The following AK9 variants were observed in gnomAD, a reference collection of about 807,000 sequenced individuals.
AK9 encodes the protein adenylate kinase domain containing 1.
Under a neutral mutation model 239.6 loss-of-function variants are expected in AK9, and 191 were observed. The ratio of observed to expected loss-of-function variants is 0.80; its 90% CI spans 0.71 to 0.90. AK9 has a LOEUF of 0.90. Ranked by LOEUF, AK9 falls within the 40% of genes least tolerant of loss-of-function variation. The pLI is 0.00. For missense variants in AK9, 1,995 were observed against 2,214.7 expected (o/e 0.90, Z 1.99); for synonymous variants, 689 against 721.0 (o/e 0.96, Z 0.71).
Position 109,659,403 on chromosome 6 carries a change from TAGTC to T in AK9, c.451_454del (p.Asp151MetfsTer75), listed in dbSNP as rs1266272376. ...CCCAGAAATTCTCTGGCACAAATCA[TAGTC>T]AGGACACTAAGAAACAACATTATTA... On this transcript the variant is annotated frameshift_variant, in exon 7 of 41. Coordinates refer to ENST00000424296, the MANE Select transcript of AK9 (RefSeq NM_001145128.3). LOFTEE classifies it high-confidence loss of function. The T allele has an allele frequency of 1.9e-6, 3 of 1,604,388 alleles. No homozygotes were observed. Among genetic ancestry groups the T allele is most frequent in the Non-Finnish European group, 2.6e-6 (3 of 1,174,618 alleles).
At chr6:109,586,191 A>C (rs776482181) in intron 17 of AK9, 119 bp from the exon 18 acceptor site, 2 of 896,010 alleles carry the variant, frequency 2.2e-6, no homozygotes, top group East Asian at 5.8e-5. Context: ...TTCAAAAGGA[A>C]AAAAAAGGGT....
intron 8 of AK9, among the ~76,000 whole-genome samples, chr6:109,650,178 A>G (rs1188263948): frequency 2.0e-5 from 3 of 152,142 alleles, no homozygotes; most frequent in African/African-American, 7.2e-5. Context: ...GGCATGGGCA[A>G]GGACTTCATG....
At chr6:109,617,470 A>C (rs1420204634) in intron 13 of AK9, among the ~76,000 whole-genome samples, 1 of 152,104 alleles carries the variant, frequency 6.6e-6, no homozygotes, top group Non-Finnish European at 1.5e-5. Context: ...TATAAATATC[A>C]ATAGAATAGA....
At chr6:109,663,634 G>C (rs1204995143) in intron 5 of AK9, among the ~76,000 whole-genome samples, 3 of 152,178 alleles carry the variant, frequency 2.0e-5, no homozygotes, top group African/African-American at 7.2e-5. Context: ...AGTAAAGTGT[G>C]TCAACATTTG....
intron 12 of AK9, among the ~76,000 whole-genome samples, chr6:109,629,336 A>C (rs186750241): frequency 2.8e-4 from 43 of 152,258 alleles, no homozygotes; most frequent in Admixed American, 5.2e-4. Context: ...GGCCTATTAC[A>C]AGTAATAGGC....
At chr6:109,687,785 G>A (rs1252192094) in intron 1 of AK9, among the ~76,000 whole-genome samples, 4 of 152,168 alleles carry the variant, frequency 2.6e-5, no homozygotes, top group Non-Finnish European at 4.4e-5. Flanking sequence ...GAAACCGTGC[G>A]ATCACAAATG....
At chr6:109,619,038 C>T in intron 13 of AK9, 54 bp downstream of exon 13, 21 of 1,497,302 alleles carry the variant, frequency 1.4e-5, no homozygotes, top group Non-Finnish European at 1.8e-5. Context: ...TTTCAAGTAG[C>T]CCGGCTTAAT....
intron 8 of AK9, among the ~76,000 whole-genome samples, chr6:109,650,509 T>G (rs1798771467): frequency 6.6e-6 from 1 of 151,044 alleles, no homozygotes; most frequent in Non-Finnish European, 1.5e-5. Context: ...GTCCAAGAAA[T>G]GCAAATCAAA....
intron 8 of AK9, among the ~76,000 whole-genome samples, chr6:109,647,581 T>C (rs367998768): frequency 5.9e-5 from 9 of 152,274 alleles, no homozygotes; most frequent in Admixed American, 1.3e-4. Context: ...GCACCCAGAT[T>C]CATAAAGCAA....
At chr6:109,554,059 T>C (rs932229509) in intron 24 of AK9, among the ~76,000 whole-genome samples, 5 of 152,198 alleles carry the variant, frequency 3.3e-5, no homozygotes, top group Non-Finnish European at 7.3e-5. Context: ...GCCAACTTGA[T>C]CATGGTGGAT....
intron 25 of AK9, 33 bp from the exon 26 acceptor site, chr6:109,546,160 A>G (rs1251901716): frequency 6.6e-7 from 1 of 1,526,138 alleles, no homozygotes; most frequent in Admixed American, 2.1e-5. Context: ...GAGGGGTGGG[A>G]TAAAGGGAGA....
chr6:109,613,237 G>C (rs1297699504), intron 15 of AK9, among the ~76,000 whole-genome samples: 1 of 151,612 alleles, frequency 6.6e-6, no homozygotes, highest in Non-Finnish European at 1.5e-5. Context: ...ACAGCAAGCT[G>C]ACTTAGAAGA....
intron 35 of AK9, among the ~76,000 whole-genome samples, chr6:109,504,304 C>T (rs1777888289): frequency 6.6e-6 from 1 of 151,966 alleles, no homozygotes; most frequent in Non-Finnish European, 1.5e-5. Flanking sequence ...TTCAAAGCTA[C>T]AGTGAGTTAT....
chr6:109,676,301 T>C (rs1410761987), intron 1 of AK9, among the ~76,000 whole-genome samples: 1 of 152,144 alleles, frequency 6.6e-6, no homozygotes, highest in Non-Finnish European at 1.5e-5. Context: ...AGAAACCTTT[T>C]GCTATTTTGA....
chr6:109,540,503 C>T (rs1215768366), intron 27 of AK9, among the ~76,000 whole-genome samples: 1 of 152,200 alleles, frequency 6.6e-6, no homozygotes, highest in Non-Finnish European at 1.5e-5. Context: ...CCATCTGTCA[C>T]AGCTTCCCGT....
At chr6:109,569,666 G>A (rs1787125177) in intron 21 of AK9, among the ~76,000 whole-genome samples, 1 of 152,058 alleles carries the variant, frequency 6.6e-6, no homozygotes, top group South Asian at 2.1e-4. Flanking sequence ...GCAGCCAACA[G>A]ACCCATGAAA....
intron 1 of AK9, among the ~76,000 whole-genome samples, chr6:109,685,172 G>A (rs1379576678): frequency 7.2e-5 from 11 of 152,200 alleles, no homozygotes; most frequent in African/African-American, 2.2e-4. Flanking sequence ...ACAGTGTGGC[G>A]ATTCCTCAAG....
intron 12 of AK9, among the ~76,000 whole-genome samples, chr6:109,630,806 T>C (rs564990873): frequency 7.9e-5 from 12 of 152,040 alleles, no homozygotes; most frequent in Admixed American, 2.0e-4. Flanking sequence ...GATGGTATCA[T>C]TGCACTTCAG....
At chr6:109,581,767 A>G (rs1479784661) in intron 19 of AK9, among the ~76,000 whole-genome samples, 2 of 152,236 alleles carry the variant, frequency 1.3e-5, no homozygotes, top group Non-Finnish European at 2.9e-5. Context: ...TGGCTACACT[A>G]AACAACAGAT....
Sources: allele counts gnomAD v4.1 joint callset (sites outside exome capture counted in the v4.1 genomes callset), GRCh38; gene constraint gnomAD v4.1.1; transcripts MANE v1.5; gene names NCBI Gene and HGNC (gene_info 2026-07-23, HGNC 2026-07-21).